Variants in DLG2 observed in about 807,000 individuals in gnomAD.
DLG2 encodes the protein discs large MAGUK scaffold protein 2.
DLG2 carries 45 observed loss-of-function variants against 132.5 expected under a neutral mutation model. The ratio of observed to expected loss-of-function variants is 0.34; its 90% CI spans 0.27 to 0.44. The LOEUF (loss-of-function observed/expected upper bound fraction) is 0.44. DLG2 is among the 20% of genes least tolerant of loss of function. The pLI is 1.00. For synonymous variants in DLG2, 424 were observed against 419.6 expected, an observed-to-expected ratio of 1.01 and a Z score of -0.13; for missense variants, 1,045 against 1,196.9, an observed-to-expected ratio of 0.87 and a Z score of 1.87.
chr11:83,709,231 CTGTGTGTGTG>C (rs112665187), intron 18 of DLG2, among the ~76,000 whole-genome samples: 2 of 147,226 alleles, frequency 1.4e-5, no homozygotes, highest in African/African-American at 5.0e-5. Context: ...AAATTTTACA[CTGTGTGTGTG>C]TGTGTGTGTA....
intron 6 of DLG2, among the ~76,000 whole-genome samples, chr11:84,891,192 C>T (rs1376562458): frequency 6.6e-6 from 1 of 152,118 alleles, no homozygotes; most frequent in African/African-American, 2.4e-5. Flanking sequence ...AAATATGCTA[C>T]ATTTTAAAAG....
At chr11:83,560,697 T>A (rs1323044019) in intron 19 of DLG2, among the ~76,000 whole-genome samples, 1 of 152,240 alleles carries the variant, frequency 6.6e-6, no homozygotes, top group Non-Finnish European at 1.5e-5. Context: ...TTCCAATCTG[T>A]TAATTCATTC....
At chr11:83,578,042 T>TTTTG (rs374634525) in intron 19 of DLG2, among the ~76,000 whole-genome samples, 15 of 132,474 alleles carry the variant, frequency 1.1e-4, no homozygotes, top group Admixed American at 4.2e-4. Context: ...GGGGTTTATT[T>TTTTG]TGTGTGTGTG....
Position 83,966,722 on chromosome 11 carries a change from A to G in DLG2, c.1057-1254T>C, listed in dbSNP as rs190662829. Among the ~76,000 whole-genome samples, 354 of 152,210 alleles carry G rather than the reference A, an allele frequency of 2.3e-3. 1 individual carries two copies. Among genetic ancestry groups the G allele is most frequent in the Middle Eastern group, 0.017 (5 of 294 alleles). The stretch of plus-strand genomic sequence containing the variant: ...TATAGTGAAGTAAATTAACATATCC[A>G]TCATCATAGTTATAATTTTTTGTGA... On this transcript the variant is annotated intron_variant, in intron 12 of 27. Coordinates refer to ENST00000376104, the MANE Select transcript of DLG2 (RefSeq NM_001142699.3).
chr11:84,667,498 G>GTTTTTTTTTTTTTTTTTTGT (rs57863742), intron 6 of DLG2, among the ~76,000 whole-genome samples: 1 of 122,272 alleles, frequency 8.2e-6, no homozygotes, highest in Non-Finnish European at 1.6e-5. Context: ...TTTGTTTTTT[G>GTTTTTTTTTTTTTTTTTTGT]TTTTTTTTTT....
At chr11:84,297,169 A>T (rs1035236727) in intron 7 of DLG2, among the ~76,000 whole-genome samples, 4 of 151,908 alleles carry the variant, frequency 2.6e-5, no homozygotes, top group African/African-American at 4.8e-5. Flanking sequence ...ATTGATTAAT[A>T]TATTAGCCTG....
chr11:85,027,164 G>T (rs2060597686), intron 6 of DLG2, among the ~76,000 whole-genome samples: 2 of 131,044 alleles, frequency 1.5e-5, no homozygotes, highest in South Asian at 5.3e-4. Flanking sequence ...AGCATATACA[G>T]TGTGGTCTCT....
chr11:85,297,509 G>T (rs1182485905), intron 3 of DLG2, among the ~76,000 whole-genome samples: 1 of 152,178 alleles, frequency 6.6e-6, no homozygotes, highest in African/African-American at 2.4e-5. Context: ...TATGCTGATA[G>T]TTCCACTAAC....
intron 4 of DLG2, among the ~76,000 whole-genome samples, chr11:85,233,684 T>C (rs372227614): frequency 6.6e-6 from 1 of 151,112 alleles, no homozygotes; most frequent in East Asian, 1.9e-4. Flanking sequence ...TCTATTCTAC[T>C]CTGGATCCTT....
At chr11:84,690,887 A>G (rs2057952652) in intron 6 of DLG2, among the ~76,000 whole-genome samples, 2 of 151,868 alleles carry the variant, frequency 1.3e-5, no homozygotes, top group African/African-American at 4.8e-5. Context: ...AATGGAATTG[A>G]TAAGTGCCAG....
intron 6 of DLG2, among the ~76,000 whole-genome samples, chr11:84,567,328 A>G (rs1296201214): frequency 2.0e-5 from 3 of 152,194 alleles, no homozygotes; most frequent in Admixed American, 1.3e-4. Flanking sequence ...AAGCAAGCTG[A>G]AAAGTATGCT....
intron 6 of DLG2, among the ~76,000 whole-genome samples, chr11:84,741,056 CTTTTTTT>C (rs1163275954): frequency 1.5e-4 from 12 of 79,330 alleles, no homozygotes; most frequent in South Asian, 4.5e-4. Flanking sequence ...TGCCTATGCT[CTTTTTTT>C]TTTTTTTTTT....
At chr11:85,171,945 A>G (rs1022013601) in intron 4 of DLG2, among the ~76,000 whole-genome samples, 2 of 152,176 alleles carry the variant, frequency 1.3e-5, no homozygotes, top group Non-Finnish European at 2.9e-5. Context: ...TTTCAGACAG[A>G]ACTCTGATCT....
intron 11 of DLG2, among the ~76,000 whole-genome samples, chr11:84,027,571 C>T (rs2095570732): frequency 6.6e-6 from 1 of 151,948 alleles, no homozygotes; most frequent in African/African-American, 2.4e-5. Flanking sequence ...GATAAATCAA[C>T]TTTAAACATG....
intron 7 of DLG2, among the ~76,000 whole-genome samples, chr11:84,285,202 C>T (rs1043702538): frequency 6.6e-6 from 1 of 152,150 alleles, no homozygotes; most frequent in African/African-American, 2.4e-5. Flanking sequence ...AAAAGCTGAG[C>T]TTTCATCCTC....
At chr11:84,799,092 C>A (rs1452235120) in intron 6 of DLG2, among the ~76,000 whole-genome samples, 2 of 152,168 alleles carry the variant, frequency 1.3e-5, no homozygotes. Flanking sequence ...CACACATTGC[C>A]CCAGTCCACT....
At chr11:84,842,893 A>G (rs1347988531) in intron 6 of DLG2, among the ~76,000 whole-genome samples, 1 of 151,928 alleles carries the variant, frequency 6.6e-6, no homozygotes, top group Non-Finnish European at 1.5e-5. Flanking sequence ...CCCAAACCCC[A>G]ACACACACAG....
chr11:85,267,040 T>G (rs2077255813), intron 4 of DLG2, among the ~76,000 whole-genome samples: 1 of 152,240 alleles, frequency 6.6e-6, no homozygotes, highest in Admixed American at 6.5e-5. Flanking sequence ...TTTAGGATTT[T>G]GCTATGGACT....
chr11:84,575,571 T>A (rs989246799), intron 6 of DLG2, among the ~76,000 whole-genome samples: 1 of 152,194 alleles, frequency 6.6e-6, no homozygotes, highest in African/African-American at 2.4e-5. Context: ...ACATAGTATA[T>A]ATATTTATGG....
Sources: allele counts gnomAD v4.1 joint callset (sites outside exome capture counted in the v4.1 genomes callset), GRCh38; gene constraint gnomAD v4.1.1; transcripts MANE v1.5; gene names NCBI Gene and HGNC (gene_info 2026-07-23, HGNC 2026-07-21).